DGLUCY: variants seen among roughly 807,000 people sequenced by gnomAD.
DGLUCY encodes the protein D-glutamate cyclase.
DGLUCY carries 58 observed loss-of-function variants against 58.5 expected under a neutral mutation model. The ratio of observed to expected loss-of-function variants is 0.99; its 90% CI spans 0.80 to 1.23. DGLUCY has a LOEUF of 1.23. Ranked by LOEUF, DGLUCY falls within the 50% of genes most tolerant of loss-of-function variation. The pLI is 0.00. For synonymous variants in DGLUCY, 325 were observed against 314.1 expected, an observed-to-expected ratio of 1.03 and a Z score of -0.37; for missense variants, 779 against 784.7, an observed-to-expected ratio of 0.99 and a Z score of 0.09.
At chr14:91,186,744 C>T (rs550464475) in intron 8 of DGLUCY, among the ~76,000 whole-genome samples, 1 of 152,226 alleles carries the variant, frequency 6.6e-6, no homozygotes, top group African/African-American at 2.4e-5. Context: ...AAATCTAAGA[C>T]AGAAATCACC....
chr14:91,208,163 G>A (rs1046423452), intron 12 of DGLUCY, among the ~76,000 whole-genome samples: 2 of 152,098 alleles, frequency 1.3e-5, no homozygotes, highest in African/African-American at 2.4e-5. Flanking sequence ...AGACTATGAA[G>A]CAAATAAAAA....
intron 1 of DGLUCY, among the ~76,000 whole-genome samples, chr14:91,061,439 A>G (rs2043679628): frequency 6.6e-6 from 1 of 152,262 alleles, no homozygotes; most frequent in Non-Finnish European, 1.5e-5. Context: ...GCAGCTTTCA[A>G]TAGAACGTGA....
rs540618283 is a variant in DGLUCY at position 91,135,918 on chromosome 14, T to C, written c.-82+21635T>C. 1.4e-4 allele frequency among the ~76,000 whole-genome samples: 21 copies of C among 145,774 alleles called. No homozygotes were observed. In the South Asian group the frequency reaches 1.5e-3, roughly 11 times the overall value. On this transcript the variant is annotated intron_variant, in intron 1 of 13. Coordinates refer to ENST00000256324, the MANE Select transcript of DGLUCY (RefSeq NM_001102368.3). ...TGGGGTAATTCCAACTTGGCTAGGA[T>C]ACATTAGCTTTTTTTTTTTTTTTTT... is the stretch of plus-strand genomic sequence containing the variant.
chr14:91,135,047 C>T (rs980528442), intron 1 of DGLUCY, among the ~76,000 whole-genome samples: 1 of 152,006 alleles, frequency 6.6e-6, no homozygotes, highest in Non-Finnish European at 1.5e-5. Flanking sequence ...ACTAGCCTCC[C>T]GAAGTAGCTG....
At chr14:91,201,304 CT>C (rs35767480) in intron 11 of DGLUCY, among the ~76,000 whole-genome samples, 78 of 146,966 alleles carry the variant, frequency 5.3e-4, no homozygotes, top group African/African-American at 1.3e-3. Context: ...TGACAGGTAA[CT>C]TTTTTTTTTT....
intron 5 of DGLUCY, 126 bp downstream of exon 5, chr14:91,170,327 G>C (rs1348148113): frequency 9.5e-7 from 1 of 1,051,852 alleles, no homozygotes; most frequent in Non-Finnish European, 1.3e-6. Context: ...CCCCAGCTCA[G>C]CCATTTCTAG....
chr14:91,085,221 C>CAAA (rs745438426), intron 1 of DGLUCY, among the ~76,000 whole-genome samples: 3 of 89,284 alleles, frequency 3.4e-5, no homozygotes, highest in Admixed American at 2.6e-4. Context: ...AACCCTGTCT[C>CAAA]AAAAAAAAAA....
intron 6 of DGLUCY, among the ~76,000 whole-genome samples, chr14:91,174,165 T>C (rs188675294): frequency 1.3e-5 from 2 of 152,304 alleles, no homozygotes; most frequent in African/African-American, 4.8e-5. Context: ...AGTGAGCTTC[T>C]ACATAGCTGA....
intron 1 of DGLUCY, among the ~76,000 whole-genome samples, chr14:91,069,787 A>T (rs1209994795): frequency 6.8e-6 from 1 of 147,486 alleles, no homozygotes; most frequent in African/African-American, 2.5e-5. Flanking sequence ...CACTTATGAT[A>T]ATGATATGCC....
intron 1 of DGLUCY, among the ~76,000 whole-genome samples, chr14:91,083,542 AG>A (rs1465707225): frequency 1.7e-4 from 24 of 143,584 alleles, no homozygotes; most frequent in African/African-American, 5.5e-4. Flanking sequence ...AAAAAAAAAC[AG>A]AGAGAACGAT....
intron 1 of DGLUCY, among the ~76,000 whole-genome samples, chr14:91,124,160 TCGTGATC>T (rs1374239276): frequency 2.0e-5 from 3 of 151,476 alleles, no homozygotes; most frequent in Non-Finnish European, 1.5e-5. Flanking sequence ...TCTCCTGACC[TCGTGATC>T]CACCCACCTC....
chr14:91,079,416 G>A (rs1389136570), intron 1 of DGLUCY, among the ~76,000 whole-genome samples: 1 of 148,108 alleles, frequency 6.8e-6, no homozygotes, highest in Admixed American at 6.8e-5. Context: ...GTGCCGTGGT[G>A]CAGTCTCGCT....
At chr14:91,071,740 T>C (rs2043923094) in intron 1 of DGLUCY, among the ~76,000 whole-genome samples, 1 of 151,434 alleles carries the variant, frequency 6.6e-6, no homozygotes, top group Admixed American at 6.6e-5. Context: ...TGGTGGTGGG[T>C]GCCTGTAGTC....
chr14:91,077,051 T>G (rs115597096), intron 1 of DGLUCY, among the ~76,000 whole-genome samples: 2,074 of 152,204 alleles, frequency 0.014, 61 homozygotes, highest in African/African-American at 0.048. Flanking sequence ...AAGATCAACC[T>G]GAGCAACATC....
chr14:91,129,560 A>G (rs2045914215), intron 1 of DGLUCY, among the ~76,000 whole-genome samples: 1 of 150,700 alleles, frequency 6.6e-6, no homozygotes, highest in African/African-American at 2.4e-5. Context: ...ATATAGGGAG[A>G]CCCCTTCACT....
chr14:91,181,411 C>T (rs765928993), intron 8 of DGLUCY, 22 bp downstream of exon 8: 45 of 1,601,026 alleles, frequency 2.8e-5, no homozygotes, highest in Admixed American at 2.0e-4. Context: ...CACATTTGCT[C>T]GGCATAGACC....
upstream of DGLUCY, among the ~76,000 whole-genome samples, chr14:91,105,182 G>T (rs2044567912): frequency 6.6e-6 from 1 of 152,012 alleles, no homozygotes. Flanking sequence ...GGACATGGTG[G>T]TGCATGCCTG....
chr14:91,150,411 C>T (rs2047259037), intron 1 of DGLUCY, among the ~76,000 whole-genome samples: 1 of 151,942 alleles, frequency 6.6e-6, no homozygotes, highest in Admixed American at 6.6e-5. Flanking sequence ...TGTTGCTTTT[C>T]ACACCAACAA....
At chr14:91,077,135 A>G (rs930897904) in intron 1 of DGLUCY, among the ~76,000 whole-genome samples, 10 of 151,942 alleles carry the variant, frequency 6.6e-5, no homozygotes, top group Non-Finnish European at 1.2e-4. Flanking sequence ...GGTCCCAGCT[A>G]TTCAGGAGGC....
Sources: gnomAD v4.1 joint callset for allele counts (sites outside exome capture counted in the v4.1 genomes callset) on GRCh38, gnomAD v4.1.1 for gene constraint, MANE v1.5 for transcripts, NCBI Gene and HGNC (gene_info 2026-07-23, HGNC 2026-07-21) for gene names.